KHDRBS3: variants seen among roughly 807,000 people sequenced by gnomAD.
The protein encoded by KHDRBS3 is KH domain-containing, RNA-binding, signal transduction-associated protein 3.
Under a neutral mutation model 45.6 loss-of-function variants are expected in KHDRBS3, and 23 were observed. That is an observed-to-expected ratio of 0.50 (90% CI 0.36 to 0.72). KHDRBS3 has a LOEUF of 0.72. KHDRBS3 is among the 30% of genes least tolerant of loss of function. KHDRBS3 has a pLI of 0.00. For synonymous variants in KHDRBS3, 162 were observed against 156.5 expected (o/e 1.04, Z -0.26); for missense variants, 352 against 424.8 (o/e 0.83, Z 1.51).
At chr8:135,463,103 A>T (rs1434299048) in intron 1 of KHDRBS3, among the ~76,000 whole-genome samples, 4 of 152,086 alleles carry the variant, frequency 2.6e-5, no homozygotes, top group African/African-American at 9.7e-5. Context: ...TTACGGTGTG[A>T]TCCTCATCAC....
In KHDRBS3 at chr8:135,457,763, G is replaced by C; in HGVS notation, c.-104G>C. ...GGCTTGGCCGCTGCTGCCGCGTCTGGCCCCCGGGTCCCCGCCGCTGGGGGC... is the reference window on the plus strand; with the variant it reads ...GGCTTGGCCGCTGCTGCCGCGTCTGCCCCCCGGGTCCCCGCCGCTGGGGGC... On this transcript the variant is annotated 5_prime_UTR_variant, in exon 1 of 9. Coordinates refer to ENST00000355849, the MANE Select transcript of KHDRBS3 (RefSeq NM_006558.3). The surrounding 1 kb of genome is among the most constrained non-coding windows in gnomAD (Gnocchi z 4.4). 2.3e-6 allele frequency: 1 copy of C among 428,318 alleles called. No homozygotes were observed. The highest frequency in any genetic ancestry group is 3.5e-6 in the Non-Finnish European group (1 of 289,526). 26.5% of individuals were successfully genotyped at this position (428,318 alleles called of 1,614,324 possible).
intron 1 of KHDRBS3, among the ~76,000 whole-genome samples, chr8:135,473,727 A>G (rs1478374077): frequency 6.6e-6 from 1 of 152,156 alleles, no homozygotes; most frequent in African/African-American, 2.4e-5. Flanking sequence ...CAAAATGGGT[A>G]GAGCTCAGGG....
At chr8:135,461,064 C>T (rs1362582876) in intron 1 of KHDRBS3, among the ~76,000 whole-genome samples, 2 of 152,244 alleles carry the variant, frequency 1.3e-5, no homozygotes, top group African/African-American at 4.8e-5. Context: ...ACTGGTTCTC[C>T]TCCTCCACCT....
intron 6 of KHDRBS3, among the ~76,000 whole-genome samples, chr8:135,600,459 A>G (rs1829158517): frequency 6.6e-6 from 1 of 152,160 alleles, no homozygotes; most frequent in South Asian, 2.1e-4. Flanking sequence ...GATTAAAAAT[A>G]GCCTCATTGG....
chr8:135,521,332 AT>A lies in KHDRBS3; in HGVS notation c.186del (p.Val64Ter), dbSNP rs1444660619. On this transcript the variant is annotated frameshift_variant, in exon 2 of 9. Coordinates refer to ENST00000355849, the MANE Select transcript of KHDRBS3 (RefSeq NM_006558.3). LOFTEE classifies it high-confidence loss of function. ...CATGAAGCTGGGACAGAAAGTGTTAATTCCCGTAAAACAGTTCCCTAAGGTA... is the reference window on the plus strand; with the variant it reads ...CATGAAGCTGGGACAGAAAGTGTTAATCCCGTAAAACAGTTCCCTAAGGTA... ...KNMKLGQKVLIPVKQFPKFNF... is the reference protein window; with the variant it reads ...KNMKLGQKVLXPVKQFPKFNF... 6.2e-7 allele frequency: 1 copy of A among 1,609,654 alleles called. No individual in the cohort carries two copies. The highest frequency in any genetic ancestry group is 8.5e-7 in the Non-Finnish European group (1 of 1,175,910).
chr8:135,553,246 A>G (rs940719152), intron 4 of KHDRBS3, among the ~76,000 whole-genome samples: 2 of 152,118 alleles, frequency 1.3e-5, no homozygotes, highest in Non-Finnish European at 2.9e-5. Flanking sequence ...GCACTTTTTA[A>G]TGAATAAATA....
At chr8:135,486,033 GAC>G (rs1484014010) in intron 1 of KHDRBS3, among the ~76,000 whole-genome samples, 2 of 151,918 alleles carry the variant, frequency 1.3e-5, no homozygotes, top group African/African-American at 4.8e-5. Context: ...GCATGCCAGA[GAC>G]TCCATTTGGG....
At chr8:135,610,258 G>C (rs1438607651) in intron 7 of KHDRBS3, among the ~76,000 whole-genome samples, 1 of 151,876 alleles carries the variant, frequency 6.6e-6, no homozygotes, top group Non-Finnish European at 1.5e-5. Flanking sequence ...AATTTAATCT[G>C]TTACTTATGT....
At chr8:135,532,949 G>A (rs937441658) in intron 2 of KHDRBS3, among the ~76,000 whole-genome samples, 1 of 152,178 alleles carries the variant, frequency 6.6e-6, no homozygotes, top group African/African-American at 2.4e-5. Flanking sequence ...TTTGCTAGAT[G>A]TGGGTCTGAA....
chr8:135,503,349 A>AT (rs1385637981), intron 1 of KHDRBS3, among the ~76,000 whole-genome samples: 1 of 152,090 alleles, frequency 6.6e-6, no homozygotes, highest in African/African-American at 2.4e-5. Flanking sequence ...AAGCCAACAT[A>AT]TTTTTTCCCT....
At chr8:135,503,310 A>G (rs1316269645) in intron 1 of KHDRBS3, among the ~76,000 whole-genome samples, 1 of 152,206 alleles carries the variant, frequency 6.6e-6, no homozygotes, top group Non-Finnish European at 1.5e-5. Flanking sequence ...TGCTTTATCC[A>G]GTTGCTACTG....
At chr8:135,597,473 C>T (rs1249757907) in intron 6 of KHDRBS3, among the ~76,000 whole-genome samples, 1 of 152,068 alleles carries the variant, frequency 6.6e-6, no homozygotes, top group African/African-American at 2.4e-5. Flanking sequence ...ATCCATGTGA[C>T]CAGCTCCCTC....
chr8:135,475,135 T>C (rs1190145285), intron 1 of KHDRBS3, among the ~76,000 whole-genome samples: 1 of 152,200 alleles, frequency 6.6e-6, no homozygotes, highest in Non-Finnish European at 1.5e-5. Context: ...GGCTAGGTGG[T>C]TACTAACTTA....
At chr8:135,642,028 C>T (rs1245900469) in intron 7 of KHDRBS3, among the ~76,000 whole-genome samples, 1 of 152,084 alleles carries the variant, frequency 6.6e-6, no homozygotes, top group African/African-American at 2.4e-5. Context: ...AGAAAGGAAG[C>T]CAGAGAGAGA....
chr8:135,621,053 A>G (rs1236236680), intron 7 of KHDRBS3, among the ~76,000 whole-genome samples: 1 of 151,380 alleles, frequency 6.6e-6, no homozygotes, highest in Non-Finnish European at 1.5e-5. Flanking sequence ...GAAATCTTGT[A>G]CCATTGTAAG....
chr8:135,630,100 C>G (rs1268369179), intron 7 of KHDRBS3, among the ~76,000 whole-genome samples: 1 of 152,166 alleles, frequency 6.6e-6, no homozygotes, highest in Admixed American at 6.5e-5. Flanking sequence ...GGTACCAAGG[C>G]TAGAAAACCT....
intron 7 of KHDRBS3, among the ~76,000 whole-genome samples, chr8:135,614,977 A>G (rs1219805578): frequency 4.0e-5 from 6 of 151,696 alleles, no homozygotes; most frequent in African/African-American, 1.5e-4. Context: ...CTGAGAGGAA[A>G]CATCAGTGGT....
chr8:135,601,832 T>C (rs1448233682), intron 6 of KHDRBS3, among the ~76,000 whole-genome samples: 2 of 152,160 alleles, frequency 1.3e-5, no homozygotes, highest in Non-Finnish European at 2.9e-5. Flanking sequence ...AATAATACAT[T>C]CACTATTTTT....
intron 7 of KHDRBS3, among the ~76,000 whole-genome samples, chr8:135,621,937 C>T (rs1465422076): frequency 4.6e-5 from 7 of 151,952 alleles, no homozygotes; most frequent in Non-Finnish European, 5.9e-5. Context: ...TCCCCATGCC[C>T]GTAACCCCCA....
Sources: allele counts gnomAD v4.1 joint callset (sites outside exome capture counted in the v4.1 genomes callset), GRCh38; gene constraint gnomAD v4.1.1; non-coding constraint Gnocchi (gnomAD v3.1); transcripts MANE v1.5; gene names NCBI Gene and HGNC (gene_info 2026-07-23, HGNC 2026-07-21).